SLC9A8: variants seen among roughly 807,000 people sequenced by gnomAD.
The protein encoded by SLC9A8 is solute carrier family 9 member A8, also known as sodium/hydrogen exchanger 8.
A neutral mutation model predicts 66.6 loss-of-function variants in SLC9A8; 48 were observed. The observed-to-expected ratio is 0.72, with a 90% CI of 0.57 to 0.92. SLC9A8 has a LOEUF of 0.92. SLC9A8 is among the 40% of genes least tolerant of loss of function. The probability of loss-of-function intolerance (pLI) is 0.00; values close to 1 mark genes in which losing one functional copy is unlikely to be tolerated. For synonymous variants in SLC9A8, 274 were observed against 282.6 expected, an observed-to-expected ratio of 0.97 and a Z score of 0.31; for missense variants, 599 against 747.3, an observed-to-expected ratio of 0.80 and a Z score of 2.31.
At chr20:49,853,949 C>G (rs1231254695) in intron 7 of SLC9A8, among the ~76,000 whole-genome samples, 2 of 152,216 alleles carry the variant, frequency 1.3e-5, no homozygotes, top group Non-Finnish European at 2.9e-5. Context: ...TTTCCTCAGT[C>G]AGCTCTCCTC....
chr20:49,864,980 CT>C, intron 10 of SLC9A8, 136 bp downstream of exon 10: 1 of 635,976 alleles, frequency 1.6e-6, no homozygotes, highest in Non-Finnish European at 2.8e-6. Context: ...TAAAGGAAAT[CT>C]ATTGGTTCCC....
intron 12 of SLC9A8, among the ~76,000 whole-genome samples, chr20:49,880,356 G>A (rs1171527898): frequency 1.3e-5 from 2 of 151,930 alleles, no homozygotes; most frequent in Non-Finnish European, 2.9e-5. Flanking sequence ...AAAAGCCACA[G>A]CAAGCAGCTG....
chr20:49,815,950 T>C (rs2086534010), intron 2 of SLC9A8, among the ~76,000 whole-genome samples: 1 of 152,182 alleles, frequency 6.6e-6, no homozygotes, highest in Non-Finnish European at 1.5e-5. Flanking sequence ...ATGTGAATTT[T>C]ATTTAATGGT....
chr20:49,878,131 A>G, intron 12 of SLC9A8, 68 bp downstream of exon 12: 1 of 964,744 alleles, frequency 1.0e-6, no homozygotes, highest in Non-Finnish European at 1.5e-6. Context: ...CATGTTCCGG[A>G]TTCATTTATG....
chr20:49,876,244 A>C (rs1306198201), intron 11 of SLC9A8, among the ~76,000 whole-genome samples: 1 of 152,214 alleles, frequency 6.6e-6, no homozygotes, highest in Non-Finnish European at 1.5e-5. Flanking sequence ...CACCTCTCTC[A>C]GAAAGCCAGG....
chr20:49,888,343 C>CG lies in SLC9A8; in HGVS notation c.*409dup, dbSNP rs774087327. ...GCCACTGCCTTCATGCTGCCCCCGC[C>CG]GGACTGGCAGAGCCAGGGGTCAGCC... is the stretch of plus-strand genomic sequence containing the variant. On this transcript the variant is annotated 3_prime_UTR_variant, in exon 16 of 16. Transcript: ENST00000361573. The CG allele has an allele frequency of 3.0e-4, 54 of 179,906 alleles. No individual in the cohort carries two copies. The highest frequency in any genetic ancestry group is 8.1e-4 in the South Asian group (9 of 11,134). The allele number at this position is 179,906 out of a possible 1,614,324, so 11.1% of individuals were successfully genotyped here.
chr20:49,834,640 T>C (rs992109804), intron 3 of SLC9A8, among the ~76,000 whole-genome samples: 5 of 151,800 alleles, frequency 3.3e-5, no homozygotes, highest in Non-Finnish European at 5.9e-5. Context: ...AATTTAATGC[T>C]GCACAAAGGA....
chr20:49,824,193 C>T (rs1304013778), intron 3 of SLC9A8, among the ~76,000 whole-genome samples: 2 of 152,128 alleles, frequency 1.3e-5, no homozygotes, highest in Non-Finnish European at 2.9e-5. Flanking sequence ...CAGGTGATGC[C>T]GTATTTTAAG....
chr20:49,873,771 C>CAAA (rs35613935), intron 10 of SLC9A8, among the ~76,000 whole-genome samples: 65 of 60,200 alleles, frequency 1.1e-3, no homozygotes, highest in Non-Finnish European at 1.2e-3. Context: ...AACTCCGTCT[C>CAAA]AAAAAAAAAA....
At position 49,889,817 on chromosome 20, in the gene SLC9A8, A is replaced by C. The variant is rs903049864; in HGVS notation, c.*1881A>C. 2.0e-5 allele frequency: 3 copies of C among 151,968 alleles called. No individual in the cohort carries two copies. Among genetic ancestry groups the C allele is most frequent in the Non-Finnish European group, 2.9e-5 (2 of 67,974 alleles). The allele number at this position is 151,968 out of a possible 1,614,324, so 9.4% of individuals were successfully genotyped here. A position where few individuals can be genotyped will look rare whatever the true frequency, so the allele number is the denominator to read the frequency against. ...TGTTCTCGCACCCCTGCCAGAACTC[A>C]CTCTCCCCTGAAGTTTAGGGTCCCA... is the stretch of plus-strand genomic sequence containing the variant. On this transcript the variant is annotated 3_prime_UTR_variant, in exon 16 of 16. Coordinates refer to ENST00000361573, the MANE Select transcript of SLC9A8 (RefSeq NM_015266.3).
At chr20:49,849,307 G>A (rs1021328782) in intron 5 of SLC9A8, among the ~76,000 whole-genome samples, 5 of 152,178 alleles carry the variant, frequency 3.3e-5, no homozygotes, top group Non-Finnish European at 4.4e-5. Flanking sequence ...CTGGAAAGAC[G>A]GGAGAGTGGA....
At chr20:49,877,960 C>T (rs1270658660) in intron 11 of SLC9A8, 21 bp from the exon 12 acceptor site, 1 of 1,544,260 alleles carries the variant, frequency 6.5e-7, no homozygotes, top group African/African-American at 1.4e-5. Context: ...GTTGAATAAT[C>T]CATTCTTTGG....
At chr20:49,829,731 G>A (rs999079075) in intron 3 of SLC9A8, 10 of 510,300 alleles carry the variant, frequency 2.0e-5, no homozygotes, top group African/African-American at 3.9e-5. Flanking sequence ...AAGATCAGAC[G>A]TCATCCCACA....
chr20:49,857,235 A>G (rs1352732009), intron 8 of SLC9A8, among the ~76,000 whole-genome samples: 1 of 152,228 alleles, frequency 6.6e-6, no homozygotes, highest in Non-Finnish European at 1.5e-5. Flanking sequence ...CTTAGAGGCC[A>G]GTGTGTGTTC....
At chr20:49,833,449 T>A (rs963044425) in intron 3 of SLC9A8, among the ~76,000 whole-genome samples, 3 of 152,202 alleles carry the variant, frequency 2.0e-5, no homozygotes, top group African/African-American at 7.2e-5. Context: ...AATAAAACAT[T>A]TCTTGGTAAC....
At position 49,886,944 on chromosome 20, in the gene SLC9A8, C is replaced by T. The variant is rs1009153800; in HGVS notation, c.1638+46C>T. ...CACTTTCTGGGGGTCCCTTGCCTGCCTCCTTCAGGACCTGCGGTGGCCCAG... is the reference window on the plus strand; with the variant it reads ...CACTTTCTGGGGGTCCCTTGCCTGCTTCCTTCAGGACCTGCGGTGGCCCAG... On this transcript the variant is annotated intron_variant, in intron 15 of 15. Coordinates refer to ENST00000361573, the MANE Select transcript of SLC9A8 (RefSeq NM_015266.3). This position sits in a 1 kb window ranked among gnomAD's most constrained non-coding sequence, Gnocchi z 4.8. 16 of 1,582,484 alleles carry T rather than the reference C, an allele frequency of 1.0e-5. No homozygotes were observed. The Admixed American group carries it at 1.6e-4, about 15-fold the overall frequency.
intron 2 of SLC9A8, among the ~76,000 whole-genome samples, chr20:49,820,346 TG>T (rs2146454777): frequency 6.6e-6 from 1 of 151,378 alleles, no homozygotes; most frequent in Admixed American, 6.6e-5. Context: ...AAAAATTAGC[TG>T]GGTGTGGGCG....
Position 49,834,139 on chromosome 20 carries a change from G to GTCTCTCTC in SLC9A8, c.290-5362_290-5355dup, listed in dbSNP as rs71335517. 3.7e-3 allele frequency among the ~76,000 whole-genome samples: 239 copies of GTCTCTCTC among 65,374 alleles called. 1 individual carries two copies. The highest frequency in any genetic ancestry group is 8.5e-3 in the African/African-American group (111 of 13,040). The allele number at this position is 65,374 out of a possible 152,430, so 42.9% of individuals were successfully genotyped here. A position where few individuals can be genotyped will look rare whatever the true frequency, so the allele number is the denominator to read the frequency against. On this transcript the variant is annotated intron_variant, in intron 3 of 15. Transcript: ENST00000361573. ...TGGTGCACGCTTGTAATATTAGCTT[G>GTCTCTCTC]TCTCTCTCTCTCTCTCTCTCTCTCT... is the stretch of plus-strand genomic sequence containing the variant.
At chr20:49,877,902 G>A in intron 11 of SLC9A8, 79 bp from the exon 12 acceptor site, 1 of 938,670 alleles carries the variant, frequency 1.1e-6, no homozygotes, top group East Asian at 2.7e-5. Flanking sequence ...GACTGTGAAT[G>A]TTTGCTTGCT....
Sources: allele counts gnomAD v4.1 joint callset (sites outside exome capture counted in the v4.1 genomes callset), GRCh38; gene constraint gnomAD v4.1.1; non-coding constraint Gnocchi (gnomAD v3.1); transcripts MANE v1.5; gene names NCBI Gene and HGNC (gene_info 2026-07-23, HGNC 2026-07-21).